UGT2B17: variants seen among roughly 807,000 people sequenced by gnomAD.
UGT2B17 encodes UDP glucuronosyltransferase family 2 member B17, also known as UDP-glucuronosyltransferase 2B17.
UGT2B17 carries 21 observed loss-of-function variants against 48.2 expected under a neutral mutation model. The ratio of observed to expected loss-of-function variants is 0.44; its 90% confidence interval spans 0.31 to 0.63. The LOEUF is 0.63. Among genes scored for constraint, UGT2B17 ranks in the 20% least tolerant of loss-of-function variants. UGT2B17 has a pLI of 0.08. For synonymous variants in UGT2B17, 146 were observed against 238.4 expected (o/e 0.61, Z 3.57); for missense variants, 402 against 696.1 (o/e 0.58, Z 4.75).
At position 68,558,405 on chromosome 4, in the gene UGT2B17, T is replaced by C. The variant is rs542271867; in HGVS notation, c.1005+2132A>G. Reference sequence around the variant, plus strand: ...TTTGGAGTCACTGTAAACTAAGCTATGCTTTCATAAAGCCCTACAAATTAA... The same window carrying C: ...TTTGGAGTCACTGTAAACTAAGCTACGCTTTCATAAAGCCCTACAAATTAA... On this transcript the variant is annotated intron_variant, in intron 4 of 6. Transcript: ENST00000317746. Among the ~76,000 whole-genome samples the C allele has an allele frequency of 8.7e-5, 11 of 126,404 alleles. 2 individuals carry two copies. Among genetic ancestry groups the C allele is most frequent in the Admixed American group, 7.3e-4 (9 of 12,336 alleles). 82.9% of individuals were successfully genotyped at this position (126,404 alleles called of 152,430 possible).
At position 68,538,507 on chromosome 4, in the gene UGT2B17, G is replaced by A. The variant is rs554388413; in HGVS notation, c.1314-603C>T. ...TCTGCCTCTGTCTCCCAAAGTGTTG[G>A]CCCTACAGACATGAACCACTGTGCC... On this transcript the variant is annotated intron_variant, in intron 6 of 6. Coordinates refer to ENST00000317746, the MANE Select transcript of UGT2B17 (RefSeq NM_001077.4). Among the ~76,000 whole-genome samples the A allele has an allele frequency of 5.2e-4, 65 of 125,194 alleles. 14 individuals carry two copies. Among genetic ancestry groups the A allele is most frequent in the African/African-American group, 1.6e-3 (60 of 36,706 alleles). 82.1% of individuals were successfully genotyped at this position (125,194 alleles called of 152,430 possible).
At chr4:68,547,301 C>T (rs1332313812) in intron 6 of UGT2B17, among the ~76,000 whole-genome samples, 1 of 125,628 alleles carries the variant, frequency 8.0e-6, no homozygotes, top group Non-Finnish European at 1.7e-5. Flanking sequence ...CTTTGACAAA[C>T]CTTACAAAAA....
At position 68,540,217 on chromosome 4, in the gene UGT2B17, T is replaced by C. The variant is rs1246583787; in HGVS notation, c.1314-2313A>G. The stretch of plus-strand genomic sequence containing the variant: ...CACACATATAACACATAGGTTACAT[T>C]TAATTGTGTACTTCAAATGTTTTAT... On this transcript the variant is annotated intron_variant, in intron 6 of 6. Coordinates refer to ENST00000317746, the MANE Select transcript of UGT2B17 (RefSeq NM_001077.4). 8.6e-5 allele frequency among the ~76,000 whole-genome samples: 11 copies of C among 127,210 alleles called. 3 individuals are homozygous for C. Among genetic ancestry groups the C allele is most frequent in the African/African-American group, 3.0e-4 (11 of 37,282 alleles). The allele number at this position is 127,210 out of a possible 152,430, so 83.5% of individuals were successfully genotyped here.
In UGT2B17 at chr4:68,540,547, G is replaced by A. The variant is rs1282706879; in HGVS notation, c.1314-2643C>T. On this transcript the variant is annotated intron_variant, in intron 6 of 6. Transcript: ENST00000317746. ...CTATGTTGGCCAGGAGTATGGTCTC[G>A]ATCTCTTGACCTCGTGATCTGCCCT... Among the ~76,000 whole-genome samples the A allele has an allele frequency of 1.1e-4, 14 of 126,488 alleles. 3 individuals carry two copies. Among genetic ancestry groups the A allele is most frequent in the African/African-American group, 3.8e-4 (14 of 37,054 alleles). 83.0% of individuals were successfully genotyped at this position (126,488 alleles called of 152,430 possible). A position where few individuals can be genotyped will look rare whatever the true frequency, so the allele number is the denominator to read the frequency against.
In UGT2B17 at chr4:68,564,157, T is replaced by C. The variant is rs919959704; in HGVS notation, c.873+1415A>G. Among the ~76,000 whole-genome samples, 3 of 122,770 alleles carry C rather than the reference T, an allele frequency of 2.4e-5. 1 individual carries two copies. In the Admixed American group the frequency reaches 2.5e-4, roughly 10 times the overall value. The allele number at this position is 122,770 out of a possible 152,430, so 80.5% of individuals were successfully genotyped here. A position where few individuals can be genotyped will look rare whatever the true frequency, so the allele number is the denominator to read the frequency against. ...TACATTGTACAAAGTTGCCTTTCTG[T>C]AATATTACACATTGAGAACATTGGG... On this transcript the variant is annotated intron_variant, in intron 3 of 6. Transcript: ENST00000317746.
intron 6 of UGT2B17, among the ~76,000 whole-genome samples, chr4:68,547,990 A>G (rs1730848526): frequency 1.6e-5 from 2 of 126,832 alleles, no homozygotes; most frequent in Admixed American, 8.0e-5. Context: ...ACTGTAAACT[A>G]GTTCAACCAT....
Position 68,556,118 on chromosome 4 carries a change from A to T in UGT2B17, c.1006-4207T>A, listed in dbSNP as rs551930923. The stretch of plus-strand genomic sequence containing the variant: ...CAATAAGAAGATTAAAAAAACTTTT[A>T]TATGATCAAGTTGTCTATAATTAAA... On this transcript the variant is annotated intron_variant, in intron 4 of 6. Transcript: ENST00000317746. Among the ~76,000 whole-genome samples the T allele has an allele frequency of 8.9e-5, 11 of 124,002 alleles. 4 individuals carry two copies. In the East Asian group the frequency reaches 5.3e-3, roughly 60 times the overall value. 81.4% of individuals were successfully genotyped at this position (124,002 alleles called of 152,430 possible). A position where few individuals can be genotyped will look rare whatever the true frequency, so the allele number is the denominator to read the frequency against.
At chr4:68,564,296 T>TATATATA (rs1226939611) in intron 3 of UGT2B17, among the ~76,000 whole-genome samples, 1 of 93,840 alleles carries the variant, frequency 1.1e-5, no homozygotes, top group African/African-American at 5.8e-5. Flanking sequence ...ATATATATAT[T>TATATATA]TTTTTTTTTT....
intron 6 of UGT2B17, among the ~76,000 whole-genome samples, chr4:68,549,497 A>T (rs1730878358): frequency 8.0e-6 from 1 of 125,742 alleles, no homozygotes; most frequent in Admixed American, 8.2e-5. Context: ...CAAGATTAAA[A>T]TAGAAATTTT....
chr4:68,540,485 A>T (rs1161337367), intron 6 of UGT2B17, among the ~76,000 whole-genome samples: 1 of 125,424 alleles, frequency 8.0e-6, no homozygotes, highest in African/African-American at 2.7e-5. Flanking sequence ...CACCATGCCT[A>T]GCTAATTTTT....
rs969152525 is a variant in UGT2B17, at chr4:68,547,319, T to C, written c.1313+3358A>G. ...TGACAAACCTTACAAAAACAAGAAA[T>C]GGGGAAAGGATTCCCTATTTAATAA... On this transcript the variant is annotated intron_variant, in intron 6 of 6. Coordinates refer to ENST00000317746, the MANE Select transcript of UGT2B17 (RefSeq NM_001077.4). 2.4e-5 allele frequency among the ~76,000 whole-genome samples: 3 copies of C among 125,644 alleles called. 1 individual carries two copies. Among genetic ancestry groups the C allele is most frequent in the Non-Finnish European group, 3.4e-5 (2 of 59,352 alleles). The allele number at this position is 125,644 out of a possible 152,430, so 82.4% of individuals were successfully genotyped here. A position where few individuals can be genotyped will look rare whatever the true frequency, so the allele number is the denominator to read the frequency against.
chr4:68,563,269 T>A (rs1274228829), intron 3 of UGT2B17, among the ~76,000 whole-genome samples: 1 of 126,494 alleles, frequency 7.9e-6, no homozygotes, highest in African/African-American at 2.7e-5. Flanking sequence ...AGAGAATCGG[T>A]TTCACAATTA....
chr4:68,555,071 T>A (rs1376565099), intron 4 of UGT2B17, among the ~76,000 whole-genome samples: 2 of 126,420 alleles, frequency 1.6e-5, no homozygotes, highest in African/African-American at 5.4e-5. Context: ...CAAGTTTATG[T>A]AACTTAAATA....
rs1371641245 is a variant in UGT2B17 at position 68,546,709 on chromosome 4, A to T, written c.1313+3968T>A. Among the ~76,000 whole-genome samples the T allele has an allele frequency of 1.6e-5, 2 of 126,080 alleles. 1 individual carries two copies. Among genetic ancestry groups the T allele is most frequent in the Non-Finnish European group, 3.4e-5 (2 of 59,626 alleles). The allele number at this position is 126,080 out of a possible 152,430, so 82.7% of individuals were successfully genotyped here. On this transcript the variant is annotated intron_variant, in intron 6 of 6. Transcript: ENST00000317746. The stretch of plus-strand genomic sequence containing the variant: ...CTGAGCCCCAAATCTCCTTAAGCTG[A>T]TAAGCAACTTCAGCAAAGTCTCAGG...
intron 1 of UGT2B17, among the ~76,000 whole-genome samples, chr4:68,572,417 C>G (rs373263687): frequency 7.9e-6 from 1 of 126,070 alleles, no homozygotes; most frequent in Non-Finnish European, 1.7e-5. Flanking sequence ...GGGCTACATA[C>G]CTTGGATAGA....
At position 68,571,037 on chromosome 4, in the gene UGT2B17, C is replaced by T. The variant is rs1287477417; in HGVS notation, c.-64-2489G>A. ...TGCATTTCTCATCTGAGTCTCTTGC[C>T]GGGCAAGAACGGTCAAGGCTTGACC... is the stretch of plus-strand genomic sequence containing the variant. On this transcript the variant is annotated intron_variant, in intron 1 of 6. Coordinates refer to ENST00000317746, the MANE Select transcript of UGT2B17 (RefSeq NM_001077.4). Among the ~76,000 whole-genome samples, 6 of 125,604 alleles carry T rather than the reference C, an allele frequency of 4.8e-5. 2 individuals are homozygous for T. Among genetic ancestry groups the T allele is most frequent in the Non-Finnish European group, 8.4e-5 (5 of 59,376 alleles). 82.4% of individuals were successfully genotyped at this position (125,604 alleles called of 152,430 possible).
intron 4 of UGT2B17, among the ~76,000 whole-genome samples, chr4:68,555,105 A>G (rs1297760808): frequency 1.6e-5 from 2 of 126,340 alleles, no homozygotes; most frequent in Non-Finnish European, 3.4e-5. Context: ...ATAAGATAAC[A>G]ACAATTATTG....
At position 68,564,024 on chromosome 4, in the gene UGT2B17, T is replaced by C. The variant is rs1342448555; in HGVS notation, c.873+1548A>G. On this transcript the variant is annotated intron_variant, in intron 3 of 6. Transcript: ENST00000317746. ...TGTGTCAGAGACAACTTAAGTGTTT[T>C]ATCTGTGGTAACTACTTTTTTCCAC... Among the ~76,000 whole-genome samples, 5 of 124,750 alleles carry C rather than the reference T, an allele frequency of 4.0e-5. 2 individuals carry two copies. Among genetic ancestry groups the C allele is most frequent in the Admixed American group, 3.3e-4 (4 of 12,022 alleles). The allele number at this position is 124,750 out of a possible 152,430, so 81.8% of individuals were successfully genotyped here. A position where few individuals can be genotyped will look rare whatever the true frequency, so the allele number is the denominator to read the frequency against.
intron 4 of UGT2B17, among the ~76,000 whole-genome samples, chr4:68,554,172 C>A (rs1194134968): frequency 8.0e-6 from 1 of 124,690 alleles, no homozygotes; most frequent in African/African-American, 2.7e-5. Flanking sequence ...GAGTACTGCC[C>A]ACAAGCAGCA....
Sources: allele counts gnomAD v4.1 joint callset (sites outside exome capture counted in the v4.1 genomes callset), GRCh38; gene constraint gnomAD v4.1.1; transcripts MANE v1.5; gene names NCBI Gene and HGNC (gene_info 2026-07-23, HGNC 2026-07-21).